BNC2: variants seen among roughly 807,000 people sequenced by gnomAD.
BNC2 encodes zinc finger protein basonuclin-2.
Under a neutral mutation model 76.3 loss-of-function variants are expected in BNC2, and 20 were observed. The ratio of observed to expected loss-of-function variants is 0.26; its 90% CI spans 0.18 to 0.38. BNC2 has a LOEUF of 0.38. Among genes scored for constraint, BNC2 ranks in the 10% least tolerant of loss-of-function variants. The probability of loss-of-function intolerance (pLI) is 1.00; values close to 1 mark genes in which losing one functional copy is unlikely to be tolerated. For synonymous variants in BNC2, 582 were observed against 514.8 expected (o/e 1.13, Z -1.77); for missense variants, 1,382 against 1,399.8 (o/e 0.99, Z 0.20).
chr9:16,503,226 C>T (rs750209419), intron 5 of BNC2, among the ~76,000 whole-genome samples: 20 of 152,120 alleles, frequency 1.3e-4, no homozygotes, highest in Non-Finnish European at 2.4e-4. Context: ...CAAAACGTTA[C>T]AACAAACATC....
intron 1 of BNC2, among the ~76,000 whole-genome samples, chr9:16,773,413 C>T (rs997094942): frequency 2.6e-5 from 4 of 151,800 alleles, no homozygotes; most frequent in Admixed American, 2.6e-4. Context: ...ACATGGAACA[C>T]TTCAGGCAAA....
intron 5 of BNC2, among the ~76,000 whole-genome samples, chr9:16,495,166 T>C (rs913612727): frequency 5.9e-5 from 9 of 152,122 alleles, no homozygotes; most frequent in Admixed American, 2.6e-4. Flanking sequence ...TGGTGATAAA[T>C]CATCAGCCTC....
In BNC2 at chr9:16,700,135, G is replaced by C. The variant is rs115314602; in HGVS notation, c.330+27662C>G. On this transcript the variant is annotated intron_variant, in intron 3 of 6. Coordinates refer to ENST00000380672, the MANE Select transcript of BNC2 (RefSeq NM_017637.6). The stretch of plus-strand genomic sequence containing the variant: ...AAACTTTAACCTTCAAAATGAAGTA[G>C]AGTCTGTAGACACAGACTTCAGTTA... Among the ~76,000 whole-genome samples, 1,336 of 152,254 alleles carry C rather than the reference G, an allele frequency of 8.8e-3. 14 individuals carry two copies. Among genetic ancestry groups the C allele is most frequent in the African/African-American group, 0.03 (1,248 of 41,536 alleles).
At chr9:16,788,009 A>G (rs560271958) in intron 1 of BNC2, among the ~76,000 whole-genome samples, 1 of 152,236 alleles carries the variant, frequency 6.6e-6, no homozygotes, top group South Asian at 2.1e-4. Context: ...ATTCCATCAC[A>G]TTTGGTTCAA....
At chr9:16,801,754 A>G (rs1214927963) in intron 1 of BNC2, among the ~76,000 whole-genome samples, 2 of 151,164 alleles carry the variant, frequency 1.3e-5, no homozygotes, top group Non-Finnish European at 2.9e-5. Context: ...ACACACACAC[A>G]CAGAAAAAAT....
chr9:16,562,196 T>C (rs1819035857), intron 4 of BNC2, among the ~76,000 whole-genome samples: 1 of 152,172 alleles, frequency 6.6e-6, no homozygotes, highest in South Asian at 2.1e-4. Context: ...TAGTAATGTA[T>C]TGCTCTTTAG....
chr9:16,863,856 A>C (rs1466079599), intron 1 of BNC2, among the ~76,000 whole-genome samples: 1 of 152,198 alleles, frequency 6.6e-6, no homozygotes, highest in African/African-American at 2.4e-5. Context: ...AAACTGACAA[A>C]ATCTGTTGAA....
chr9:16,667,176 C>T (rs893541003), intron 3 of BNC2, among the ~76,000 whole-genome samples: 1 of 151,942 alleles, frequency 6.6e-6, no homozygotes, highest in African/African-American at 2.4e-5. Flanking sequence ...GTTGTTTATC[C>T]AAATGGTAAT....
In BNC2 at chr9:16,789,498, G is replaced by A. The variant is rs189660739; in HGVS notation, c.4-51013C>T. On this transcript the variant is annotated intron_variant, in intron 1 of 6. Transcript: ENST00000380672. The stretch of plus-strand genomic sequence containing the variant: ...TCAACAACACTCAACTTTTTAAAAT[G>A]TCCTGTGCTTTCCATGCAGAAGCAT... Among the ~76,000 whole-genome samples the A allele has an allele frequency of 4.6e-5, 7 of 152,170 alleles. No individual in the cohort carries two copies. The East Asian group carries it at 1.4e-3, about 29-fold the overall frequency.
intron 1 of BNC2, among the ~76,000 whole-genome samples, chr9:16,765,409 T>C (rs1271087923): frequency 6.6e-6 from 1 of 152,212 alleles, no homozygotes; most frequent in East Asian, 1.9e-4. Flanking sequence ...AAGCTAAATT[T>C]TGGTTTCTAA....
At chr9:16,632,255 T>A (rs935936460) in intron 3 of BNC2, among the ~76,000 whole-genome samples, 1 of 152,174 alleles carries the variant, frequency 6.6e-6, no homozygotes, top group African/African-American at 2.4e-5. Flanking sequence ...CTTCTATGTT[T>A]TAGGCACTGA....
chr9:16,419,045 G>T lies in BNC2; in HGVS notation c.3244C>A (p.Arg1082=). Residue 1082 remains arginine, a synonymous_variant, in exon 7 of 7, where the codon CGG becomes AGG. Coordinates refer to ENST00000380672, the MANE Select transcript of BNC2 (RefSeq NM_017637.6). ...TGGAGATTAGGGTTCTGACTGTGCC[G>T]ATTTCGGCTTCGTACAGAGGAAAAC... ...MMFSSVRSRN[R]HSQNPNLHKN... 2.5e-6 allele frequency: 4 copies of T among 1,614,178 alleles called. No homozygotes were observed. Among genetic ancestry groups the T allele is most frequent in the Non-Finnish European group, 3.4e-6 (4 of 1,180,036 alleles).
At chr9:16,610,570 G>A (rs1195089027) in intron 3 of BNC2, among the ~76,000 whole-genome samples, 1 of 152,110 alleles carries the variant, frequency 6.6e-6, no homozygotes, top group Non-Finnish European at 1.5e-5. Flanking sequence ...GAATTTAAAC[G>A]CAATCAGTGA....
chr9:16,495,454 T>C lies in BNC2; in HGVS notation c.669+57076A>G, dbSNP rs76537054. ...ACCAGCATTGTGACGTGAATGTCAA[T>C]CTGAAAAATAACATGGTTCCTGGGT... On this transcript the variant is annotated intron_variant, in intron 5 of 6. Coordinates refer to ENST00000380672, the MANE Select transcript of BNC2 (RefSeq NM_017637.6). Among the ~76,000 whole-genome samples the C allele has an allele frequency of 3.5e-3, 537 of 152,280 alleles. 4 individuals carry two copies. Among genetic ancestry groups the C allele is most frequent in the African/African-American group, 0.012 (511 of 41,544 alleles).
At chr9:16,864,078 ATTTT>A (rs1819477783) in intron 1 of BNC2, among the ~76,000 whole-genome samples, 2 of 152,098 alleles carry the variant, frequency 1.3e-5, no homozygotes, top group Admixed American at 1.3e-4. Flanking sequence ...ACAAATACTT[ATTTT>A]ATTTATGATT....
intron 1 of BNC2, among the ~76,000 whole-genome samples, chr9:16,798,099 G>C (rs1817699912): frequency 6.6e-6 from 1 of 152,188 alleles, no homozygotes; most frequent in African/African-American, 2.4e-5. Flanking sequence ...AAGTGTGAAG[G>C]AAAAGTTGGT....
At chr9:16,666,071 C>T (rs1294758485) in intron 3 of BNC2, among the ~76,000 whole-genome samples, 1 of 152,156 alleles carries the variant, frequency 6.6e-6, no homozygotes, top group Non-Finnish European at 1.5e-5. Context: ...TTAATAACTA[C>T]TTCATTGACA....
At chr9:16,652,553 A>C (rs1369486285) in intron 3 of BNC2, among the ~76,000 whole-genome samples, 1 of 152,232 alleles carries the variant, frequency 6.6e-6, no homozygotes, top group African/African-American at 2.4e-5. Context: ...AATGTAATAT[A>C]GTATTACACA....
chr9:16,678,085 G>A (rs1281227565), intron 3 of BNC2, among the ~76,000 whole-genome samples: 1 of 151,638 alleles, frequency 6.6e-6, no homozygotes, highest in African/African-American at 2.4e-5. Context: ...TAATGGAAAG[G>A]AAAAGAGAAA....
Sources: gnomAD v4.1 joint callset for allele counts (sites outside exome capture counted in the v4.1 genomes callset) on GRCh38, gnomAD v4.1.1 for gene constraint, MANE v1.5 for transcripts, NCBI Gene and HGNC (gene_info 2026-07-23, HGNC 2026-07-21) for gene names.